DAB1: variants seen among roughly 807,000 people sequenced by gnomAD.
DAB1 encodes disabled homolog 1.
In DAB1, 15 loss-of-function variants were observed where a neutral mutation model predicts 64.6. The observed-to-expected ratio is 0.23, with a 90% CI of 0.16 to 0.36. The LOEUF (loss-of-function observed/expected upper bound fraction) is 0.36, where lower values mean the gene tolerates loss of function less well. Among genes scored for constraint, DAB1 ranks in the 10% least tolerant of loss-of-function variants. The pLI is 1.00. For missense variants in DAB1, 596 were observed against 706.7 expected, an observed-to-expected ratio of 0.84 and a Z score of 1.78; for synonymous variants, 235 against 251.9, an observed-to-expected ratio of 0.93 and a Z score of 0.64.
At chr1:57,949,171 G>C (rs527984030) in intron 5 of DAB1, among the ~76,000 whole-genome samples, 7 of 152,028 alleles carry the variant, frequency 4.6e-5, no homozygotes, top group Non-Finnish European at 7.4e-5. Flanking sequence ...CATGGGGGGG[G>C]CTGGGGGGAT....
At chr1:58,252,608 C>G (rs1660830301) in intron 4 of DAB1, among the ~76,000 whole-genome samples, 1 of 152,088 alleles carries the variant, frequency 6.6e-6, no homozygotes, top group Admixed American at 6.5e-5. Flanking sequence ...TAACAGATTC[C>G]AGAGGCCTCC....
chr1:57,254,063 C>T (rs666868), intron 2 of DAB1, among the ~76,000 whole-genome samples: 35,883 of 152,160 alleles, frequency 0.24, 5,455 homozygotes, highest in Non-Finnish European at 0.34. Context: ...CTTTTGAGTG[C>T]CCAGGGATTT....
At chr1:57,238,640 G>A (rs1668265270) in intron 2 of DAB1, among the ~76,000 whole-genome samples, 1 of 152,118 alleles carries the variant, frequency 6.6e-6, no homozygotes, top group African/African-American at 2.4e-5. Flanking sequence ...CATCCTAAGA[G>A]GAGCTTCAGA....
chr1:57,257,520 G>C (rs1337770183), intron 2 of DAB1, among the ~76,000 whole-genome samples: 1 of 152,196 alleles, frequency 6.6e-6, no homozygotes, highest in East Asian at 1.9e-4. Flanking sequence ...CTGAGGCCAA[G>C]ATAGGTGATG....
intron 7 of DAB1, among the ~76,000 whole-genome samples, chr1:57,616,016 G>A (rs571891512): frequency 3.3e-5 from 5 of 152,202 alleles, no homozygotes; most frequent in South Asian, 2.1e-4. Flanking sequence ...ATCTACAAGC[G>A]CCCTATAAGA....
chr1:58,202,826 T>TGTA (rs1658072297), intron 4 of DAB1, among the ~76,000 whole-genome samples: 1 of 152,136 alleles, frequency 6.6e-6, no homozygotes, highest in Non-Finnish European at 1.5e-5. Context: ...CACCTCCAAA[T>TGTA]CATTCTCCAC....
chr1:57,439,654 T>C (rs7415522), intron 7 of DAB1, among the ~76,000 whole-genome samples: 29,906 of 113,898 alleles, frequency 0.26, 5,651 homozygotes, highest in African/African-American at 0.4. Context: ...GTCTTGATCT[T>C]CTGACCTCAT....
chr1:57,363,404 A>G (rs1003309059), intron 1 of DAB1, among the ~76,000 whole-genome samples: 1 of 152,178 alleles, frequency 6.6e-6, no homozygotes, highest in Non-Finnish European at 1.5e-5. Flanking sequence ...CCAACTGCAG[A>G]GCACGGAGGC....
At chr1:58,399,154 A>G (rs1046526927) in intron 3 of DAB1, among the ~76,000 whole-genome samples, 2 of 152,278 alleles carry the variant, frequency 1.3e-5, no homozygotes, top group Non-Finnish European at 1.5e-5. Context: ...CATGGGAGAC[A>G]GGCATGCATA....
At chr1:58,080,381 A>T (rs1215016912) in intron 5 of DAB1, 1 of 152,188 alleles carries the variant, frequency 6.6e-6, no homozygotes, top group Non-Finnish European at 1.5e-5. Flanking sequence ...CATCCAAGGG[A>T]GGAAAAATAA....
chr1:57,783,085 TTCTC>T (rs71051259), intron 6 of DAB1, among the ~76,000 whole-genome samples: 15,667 of 128,122 alleles, frequency 0.12, 1,503 homozygotes, highest in East Asian at 0.22. Flanking sequence ...CCTTCTTTCT[TTCTC>T]TCTCTCTCTC....
At chr1:57,642,905 T>C (rs2101644777) in intron 7 of DAB1, among the ~76,000 whole-genome samples, 1 of 152,332 alleles carries the variant, frequency 6.6e-6, no homozygotes, top group East Asian at 1.9e-4. Flanking sequence ...TTAATACCTG[T>C]GCACCTCACA....
At chr1:58,189,693 C>G (rs1043985296) in intron 4 of DAB1, among the ~76,000 whole-genome samples, 13 of 152,174 alleles carry the variant, frequency 8.5e-5, no homozygotes, top group Non-Finnish European at 1.9e-4. Context: ...GTCCTTACTA[C>G]CCTGGCTGAG....
intron 7 of DAB1, among the ~76,000 whole-genome samples, chr1:57,460,005 T>G (rs1209709426): frequency 6.6e-6 from 1 of 152,174 alleles, no homozygotes; most frequent in Non-Finnish European, 1.5e-5. Flanking sequence ...TACAGTGGTG[T>G]TGCAAAGATG....
intron 4 of DAB1, among the ~76,000 whole-genome samples, chr1:58,285,467 C>A (rs1367198768): frequency 6.6e-6 from 1 of 152,032 alleles, no homozygotes; most frequent in Non-Finnish European, 1.5e-5. Context: ...AGCTGATAGG[C>A]AACTTCAGGA....
At chr1:57,842,723 C>G (rs963603480) in intron 1 of DAB1, among the ~76,000 whole-genome samples, 2 of 152,196 alleles carry the variant, frequency 1.3e-5, no homozygotes, top group African/African-American at 4.8e-5. Flanking sequence ...GTCATAAGAA[C>G]AGCATGGGAG....
intron 5 of DAB1, among the ~76,000 whole-genome samples, chr1:58,105,833 C>T (rs1475971836): frequency 6.6e-6 from 1 of 152,230 alleles, no homozygotes; most frequent in Non-Finnish European, 1.5e-5. Context: ...TTCTGAGCCT[C>T]TCTGCCATTT....
chr1:58,301,255 C>T (rs1662164048), intron 4 of DAB1, among the ~76,000 whole-genome samples: 1 of 151,334 alleles, frequency 6.6e-6, no homozygotes, highest in African/African-American at 2.4e-5. Context: ...ATGAAATTAA[C>T]TAAGTCAATA....
chr1:58,296,632 T>C (rs370643254), intron 4 of DAB1, among the ~76,000 whole-genome samples: 22 of 152,204 alleles, frequency 1.4e-4, no homozygotes, highest in Non-Finnish European at 2.9e-4. Context: ...CAGGCCATCA[T>C]TTTTCATGGG....
Sources: gnomAD v4.1 joint callset for allele counts (sites outside exome capture counted in the v4.1 genomes callset) on GRCh38, gnomAD v4.1.1 for gene constraint, MANE v1.5 for transcripts, NCBI Gene and HGNC (gene_info 2026-07-23, HGNC 2026-07-21) for gene names.